PDLIM5: variants seen among roughly 807,000 people sequenced by gnomAD.
The protein encoded by PDLIM5 is PDZ and LIM domain 5.
Under a neutral mutation model 64.2 loss-of-function variants are expected in PDLIM5, and 34 were observed. The observed-to-expected ratio is 0.53, with a 90% CI of 0.40 to 0.71. PDLIM5 has a LOEUF of 0.71. PDLIM5 is among the 30% of genes least tolerant of loss of function. PDLIM5 has a pLI of 0.00. For missense variants in PDLIM5, 683 were observed against 733.6 expected (o/e 0.93, Z 0.80); for synonymous variants, 253 against 269.1 (o/e 0.94, Z 0.59).
At chr4:94,563,412 A>G (rs1734010154) in intron 3 of PDLIM5, among the ~76,000 whole-genome samples, 2 of 152,208 alleles carry the variant, frequency 1.3e-5, no homozygotes, top group African/African-American at 4.8e-5. Context: ...ATTTTTAAAA[A>G]TATCTAAACT....
intron 5 of PDLIM5, chr4:94,582,599 C>A: frequency 1.6e-6 from 1 of 643,454 alleles, no homozygotes; most frequent in Non-Finnish European, 2.8e-6. Flanking sequence ...AATTTTATTT[C>A]ATTGTCTTTT....
At chr4:94,494,657 C>T (rs111840077) in intron 2 of PDLIM5, among the ~76,000 whole-genome samples, 9 of 150,486 alleles carry the variant, frequency 6.0e-5, no homozygotes, top group Admixed American at 2.7e-4. Context: ...CTAGGCTGGT[C>T]TCAAACTCCT....
At chr4:94,563,958 C>CTTTTTTTTTTTTTTTTTTTTTTTTTCTT (rs796820308) in intron 3 of PDLIM5, among the ~76,000 whole-genome samples, 2 of 119,360 alleles carry the variant, frequency 1.7e-5, no homozygotes, top group Non-Finnish European at 3.5e-5. Flanking sequence ...TTCTTTCTTT[C>CTTTTTTTTTTTTTTTTTTTTTTTTTCTT]TTTTTTTTTT....
At chr4:94,490,992 A>G (rs2510800) in intron 2 of PDLIM5, among the ~76,000 whole-genome samples, 28,438 of 152,142 alleles carry the variant, frequency 0.19, 3,191 homozygotes, top group Non-Finnish European at 0.25. Flanking sequence ...TTATTTGTCA[A>G]AAAACTCATT....
chr4:94,603,046 GT>G (rs1379377699), intron 7 of PDLIM5, among the ~76,000 whole-genome samples: 1 of 152,162 alleles, frequency 6.6e-6, no homozygotes, highest in Non-Finnish European at 1.5e-5. Flanking sequence ...GAAGAACTTA[GT>G]TTGTTCAAGA....
chr4:94,643,858 G>T (rs1741196260), intron 9 of PDLIM5, among the ~76,000 whole-genome samples: 1 of 152,046 alleles, frequency 6.6e-6, no homozygotes, highest in African/African-American at 2.4e-5. Flanking sequence ...TGCATAATTT[G>T]TTGCCTGTTT....
intron 3 of PDLIM5, among the ~76,000 whole-genome samples, chr4:94,564,574 C>T (rs1376824806): frequency 1.3e-5 from 2 of 151,578 alleles, no homozygotes; most frequent in East Asian, 3.9e-4. Context: ...CTCCATGGCA[C>T]TTACTACCAT....
chr4:94,656,134 C>T (rs1742194036), intron 10 of PDLIM5, among the ~76,000 whole-genome samples: 4 of 151,964 alleles, frequency 2.6e-5, no homozygotes, highest in Admixed American at 2.6e-4. Flanking sequence ...TTTAAATGAC[C>T]TAAATATTTA....
chr4:94,504,062 C>T (rs1225950544), intron 2 of PDLIM5, among the ~76,000 whole-genome samples: 1 of 152,102 alleles, frequency 6.6e-6, no homozygotes, highest in Admixed American at 6.6e-5. Flanking sequence ...TCCCTTGTTT[C>T]AATCATTTAC....
intron 2 of PDLIM5, chr4:94,455,730 T>A (rs538640228): frequency 6.8e-7 from 1 of 1,467,046 alleles, no homozygotes; most frequent in South Asian, 1.2e-5. Flanking sequence ...CTATGGGATT[T>A]TAATAATCTC....
intron 2 of PDLIM5, among the ~76,000 whole-genome samples, chr4:94,473,868 G>A (rs1249060416): frequency 6.6e-6 from 1 of 152,302 alleles, no homozygotes; most frequent in East Asian, 1.9e-4. Context: ...AACTGATTAT[G>A]AATGAGAAGT....
Position 94,550,228 on chromosome 4 carries a change from T to C in PDLIM5, c.249-23123T>C, listed in dbSNP as rs79415279. ...TCTTAAATATTCTTCTCTTAAGCTATGATTGCATATGGATTATTTTTCTAT... is the reference window on the plus strand; with the variant it reads ...TCTTAAATATTCTTCTCTTAAGCTACGATTGCATATGGATTATTTTTCTAT... On this transcript the variant is annotated intron_variant, in intron 3 of 12. Coordinates refer to ENST00000317968, the MANE Select transcript of PDLIM5 (RefSeq NM_006457.5). Among the ~76,000 whole-genome samples the C allele has an allele frequency of 9.5e-3, 1,448 of 152,298 alleles. 26 individuals carry two copies. The highest frequency in any genetic ancestry group is 0.033 in the African/African-American group (1,390 of 41,570).
chr4:94,605,117 C>G (rs897629509), intron 7 of PDLIM5, among the ~76,000 whole-genome samples: 1 of 152,008 alleles, frequency 6.6e-6, no homozygotes, highest in Non-Finnish European at 1.5e-5. Context: ...CACAAAGCAT[C>G]CAGTAGAGAA....
chr4:94,581,283 T>C (rs570531069), intron 5 of PDLIM5, among the ~76,000 whole-genome samples: 1 of 152,336 alleles, frequency 6.6e-6, no homozygotes, highest in East Asian at 1.9e-4. Flanking sequence ...AATTGTTACC[T>C]TTAGGTTGAA....
In PDLIM5 at chr4:94,666,344, A is replaced by G. The variant is rs569659827; in HGVS notation, c.*2277A>G. 70 of 260,744 alleles carry G rather than the reference A, an allele frequency of 2.7e-4. No homozygotes were observed. The highest frequency in any genetic ancestry group is 1.0e-3 in the Admixed American group (19 of 18,642). The allele number at this position is 260,744 out of a possible 1,614,324, so 16.2% of individuals were successfully genotyped here. A position where few individuals can be genotyped will look rare whatever the true frequency, so the allele number is the denominator to read the frequency against. On this transcript the variant is annotated 3_prime_UTR_variant, in exon 13 of 13. Coordinates refer to ENST00000317968, the MANE Select transcript of PDLIM5 (RefSeq NM_006457.5). ...AAGTAGCAAACTGAATACTTCTCCA[A>G]TAGCAACCCCAAGCTACCTCCTCAC...
intron 8 of PDLIM5, among the ~76,000 whole-genome samples, chr4:94,623,535 G>A (rs906481847): frequency 2.6e-5 from 4 of 152,052 alleles, no homozygotes; most frequent in African/African-American, 7.2e-5. Context: ...CATTCATCCT[G>A]TTCATTTTAA....
chr4:94,531,362 A>G (rs971066449), intron 3 of PDLIM5, among the ~76,000 whole-genome samples: 7 of 152,114 alleles, frequency 4.6e-5, no homozygotes, highest in African/African-American at 1.7e-4. Context: ...ATATCATTAA[A>G]TCCTTATATC....
intron 2 of PDLIM5, among the ~76,000 whole-genome samples, chr4:94,491,944 C>T (rs1186823582): frequency 2.6e-5 from 4 of 151,716 alleles, no homozygotes; most frequent in South Asian, 2.1e-4. Flanking sequence ...TTCAAATATA[C>T]GTTATTATTG....
At chr4:94,654,858 G>A (rs1742092926) in intron 10 of PDLIM5, among the ~76,000 whole-genome samples, 1 of 152,148 alleles carries the variant, frequency 6.6e-6, no homozygotes, top group Non-Finnish European at 1.5e-5. Context: ...CTCACTGAGT[G>A]CTGGCTTGTC....
Sources: allele counts gnomAD v4.1 joint callset (sites outside exome capture counted in the v4.1 genomes callset), GRCh38; gene constraint gnomAD v4.1.1; transcripts MANE v1.5; gene names NCBI Gene and HGNC (gene_info 2026-07-23, HGNC 2026-07-21).